Variants in NPC1 observed in about 807,000 individuals in gnomAD.
NPC1 encodes Niemann-Pick C1 protein.
NPC1 carries 85 observed loss-of-function variants against 140.4 expected under a neutral mutation model. The ratio of observed to expected loss-of-function variants is 0.61; its 90% CI spans 0.51 to 0.72. The LOEUF (loss-of-function observed/expected upper bound fraction) is 0.72. NPC1 is among the 30% of genes least tolerant of loss of function. The pLI is 0.00. For missense variants in NPC1, 1,504 were observed against 1,623.8 expected (o/e 0.93, Z 1.27); for synonymous variants, 656 against 624.8 (o/e 1.05, Z -0.74).
chr18:23,541,371 T>C lies in NPC1; in HGVS notation c.2308A>G (p.Ile770Val), dbSNP rs754462423. The C allele has an allele frequency of 6.2e-7, 1 of 1,614,170 alleles. No individual in the cohort carries two copies. The highest frequency in any genetic ancestry group is 2.2e-5 in the East Asian group (1 of 44,888). The change falls in exon 15 of 25, where the codon ATT becomes GTT. Residue 770 changes from isoleucine (I) to valine (V), a missense_variant. Coordinates refer to ENST00000269228, the MANE Select transcript of NPC1 (RefSeq NM_000271.5). ...FSLFAGLAVFIDFLLQITCFV... is the reference protein window; with the variant it reads ...FSLFAGLAVFVDFLLQITCFV... ...CAGGTAATCTGCAGAAGAAAGTCAATGAAGACTGCCAATCCCGCAAAGAGA... is the reference window on the plus strand; with the variant it reads ...CAGGTAATCTGCAGAAGAAAGTCAACGAAGACTGCCAATCCCGCAAAGAGA...
At chr18:23,510,334 C>T (rs1306005695) in intron 3 of NPC1, among the ~76,000 whole-genome samples, 1 of 149,470 alleles carries the variant, frequency 6.7e-6, no homozygotes, top group African/African-American at 2.5e-5. Context: ...AAAAAAAAAA[C>T]AAAAACACAA....
intron 4 of NPC1, among the ~76,000 whole-genome samples, chr18:23,567,448 C>T (rs2059141561): frequency 6.6e-6 from 1 of 152,170 alleles, no homozygotes; most frequent in African/African-American, 2.4e-5. Flanking sequence ...GGTGAGGTAT[C>T]TGTTCAGGTT....
At chr18:23,518,342 A>G (rs1441224621), downstream of NPC1, among the ~76,000 whole-genome samples, 1 of 152,140 alleles carries the variant, frequency 6.6e-6, no homozygotes, top group African/African-American at 2.4e-5. Flanking sequence ...AAATTTAAAA[A>G]TTAGCCAGGC....
At chr18:23,532,727 G>A (rs990148759) in intron 24 of NPC1, among the ~76,000 whole-genome samples, 1 of 137,498 alleles carries the variant, frequency 7.3e-6, no homozygotes, top group Non-Finnish European at 1.5e-5. Context: ...AAAGGAACTA[G>A]TATATTAGAT....
At chr18:23,530,109 G>A (rs73967112), downstream of NPC1, 851 of 1,614,116 alleles carry the variant, frequency 5.3e-4, 6 homozygotes, top group African/African-American at 0.01. Flanking sequence ...GCAGTACCAC[G>A]TCCTCAGCGA....
chr18:23,523,553 A>AAG (rs2058202830), intron 1 of NPC1, among the ~76,000 whole-genome samples: 1 of 112,736 alleles, frequency 8.9e-6, no homozygotes, highest in East Asian at 2.0e-4. Context: ...CAAAAAAAAA[A>AAG]AAAAAAAAAA....
rs760072788 is a variant in NPC1 at position 23,540,499 on chromosome 18, T to C, written c.2553A>G (p.Ala851=). ...IFVGVLSFSI[A]VLNKVDIGLD... ...ATCCAATATCTACTTTGTTCAGGAC[T>C]GCGATGCTGAATGACAGAACACCCA... The change falls in exon 17 of 25, where the codon GCA becomes GCG. Residue 851 remains alanine (A), a synonymous_variant. Transcript: ENST00000269228. The C allele has an allele frequency of 6.2e-7, 1 of 1,612,654 alleles. No individual in the cohort carries two copies. The highest frequency in any genetic ancestry group is 8.5e-7 in the Non-Finnish European group (1 of 1,179,384).
In NPC1 at chr18:23,541,341, C is replaced by A; in HGVS notation, c.2338G>T (p.Val780Leu). The A allele has an allele frequency of 6.2e-7, 1 of 1,614,174 alleles. No homozygotes were observed. Among genetic ancestry groups the A allele is most frequent in the Non-Finnish European group, 8.5e-7 (1 of 1,180,040 alleles). Residue 780 changes from valine to leucine, a missense_variant, in exon 15 of 25, where the codon GTG (valine) becomes TTG (leucine). Physicochemically the swap from Val to Leu is conservative, Grantham distance 32. Transcript: ENST00000269228. ...TTAATGTCTAACCCCAAGAGACTCACGAAACAGGTAATCTGCAGAAGAAAG... is the reference window on the plus strand; with the variant it reads ...TTAATGTCTAACCCCAAGAGACTCAAGAAACAGGTAATCTGCAGAAGAAAG... ...IDFLLQITCF[V>L]SLLGLDIKRQ...
At chr18:23,560,520 A>G in intron 5 of NPC1, 40 bp from the exon 6 acceptor site, 1 of 1,609,800 alleles carries the variant, frequency 6.2e-7, no homozygotes, top group Non-Finnish European at 8.5e-7. Flanking sequence ...TCTCAATTAA[A>G]AACATCCAAA....
At chr18:23,557,436 T>C (rs2058970646) in intron 6 of NPC1, among the ~76,000 whole-genome samples, 1 of 152,224 alleles carries the variant, frequency 6.6e-6, no homozygotes, top group Admixed American at 6.5e-5. Context: ...GCCCTCATTT[T>C]ATTTAAAACT....
At chr18:23,508,109 C>G in intron 3 of NPC1, 10 of 1,410,392 alleles carry the variant, frequency 7.1e-6, no homozygotes, top group Non-Finnish European at 8.6e-6. Context: ...TAGTGGAGAG[C>G]GGGGCATTGG....
At chr18:23,528,311 A>G (rs1312709115), downstream of NPC1, 3 of 163,964 alleles carry the variant, frequency 1.8e-5, no homozygotes, top group African/African-American at 7.2e-5. Context: ...CTTTTGGGAA[A>G]GAATCCTGTT....
intron 9 of NPC1, among the ~76,000 whole-genome samples, chr18:23,552,369 G>A (rs945193327): frequency 5.3e-5 from 8 of 152,380 alleles, no homozygotes; most frequent in Non-Finnish European, 1.0e-4. Flanking sequence ...GGCTCCTGAA[G>A]GAGGGGGCCA....
At chr18:23,534,007 A>T (rs1325969124) in intron 23 of NPC1, 5 of 320,928 alleles carry the variant, frequency 1.6e-5, no homozygotes, top group South Asian at 3.1e-5. Context: ...GAAAACTTAA[A>T]TATTTAAAAG....
downstream of NPC1, chr18:23,530,713 AACAAC>A (rs2058469116): frequency 8.9e-7 from 1 of 1,128,446 alleles, no homozygotes; most frequent in Admixed American, 2.5e-5. Context: ...CATTTTTGTA[AACAAC>A]ACAATTTGAT....
chr18:23,534,125 C>T, intron 23 of NPC1: 1 of 488,866 alleles, frequency 2.0e-6, no homozygotes, highest in Non-Finnish European at 3.7e-6. Context: ...ACTCTCCAGG[C>T]ACCAACCGCA....
intron 10 of NPC1, among the ~76,000 whole-genome samples, chr18:23,551,159 T>C (rs1322122241): frequency 1.3e-5 from 2 of 152,218 alleles, no homozygotes; most frequent in Non-Finnish European, 2.9e-5. Flanking sequence ...CTCTTCACAC[T>C]GTAAGAGTGT....
chr18:23,572,039 C>CA (rs2059211500), intron 3 of NPC1, 35 bp downstream of exon 3: 1 of 1,378,952 alleles, frequency 7.3e-7, no homozygotes. Flanking sequence ...CAAGTATCTA[C>CA]AGCCCAGTTG....
At chr18:23,518,804 T>G, downstream of NPC1, 1 of 1,199,864 alleles carries the variant, frequency 8.3e-7, no homozygotes, top group Non-Finnish European at 1.2e-6. Flanking sequence ...GTGAATATCT[T>G]ATAATTTACT....
Sources: allele counts gnomAD v4.1 joint callset (sites outside exome capture counted in the v4.1 genomes callset), GRCh38; gene constraint gnomAD v4.1.1; transcripts MANE v1.5; gene names NCBI Gene and HGNC (gene_info 2026-07-23, HGNC 2026-07-21).